Variants in PGM2 observed in about 807,000 individuals in gnomAD.
PGM2 encodes phosphoglucomutase 2.
In PGM2, 57 loss-of-function variants were observed where a neutral mutation model predicts 74.6. That is an observed-to-expected ratio of 0.76 (90% confidence interval 0.62 to 0.95). The LOEUF is 0.95. PGM2 is among the 40% of genes least tolerant of loss of function. PGM2 has a pLI of 0.00. For synonymous variants in PGM2, 273 were observed against 260.7 expected, an observed-to-expected ratio of 1.05 and a Z score of -0.46; for missense variants, 706 against 741.9, an observed-to-expected ratio of 0.95 and a Z score of 0.56.
Position 37,850,271 on chromosome 4 carries a change from C to T in PGM2, c.1500C>T (p.Tyr500=), listed in dbSNP as rs773882032. ...IKKLFENLRN[Y]DGKNNYPKAC... is the part of the protein sequence containing the mutation. ...AATTATTTGAAAACCTCAGAAACTA[C>T]GATGGAAAAAATAATTATCCAAAAG... The change falls in exon 12 of 14, where the codon TAC becomes TAT. Residue 500 remains tyrosine (Y), a synonymous_variant. Coordinates refer to ENST00000381967, the MANE Select transcript of PGM2 (RefSeq NM_018290.4). 2.0e-5 allele frequency: 32 copies of T among 1,584,074 alleles called. No individual in the cohort carries two copies. The highest frequency in any genetic ancestry group is 3.9e-5 in the Admixed American group (2 of 51,852).
At position 37,862,833 on chromosome 4, in the gene PGM2, G is replaced by A. The variant is rs983280928; in HGVS notation, c.*1221G>A. The A allele has an allele frequency of 4.0e-5, 6 of 151,768 alleles. No individual in the cohort carries two copies. Among genetic ancestry groups the A allele is most frequent in the South Asian group, 2.1e-4 (1 of 4,820 alleles). The allele number at this position is 151,768 out of a possible 1,614,324, so 9.4% of individuals were successfully genotyped here. A position where few individuals can be genotyped will look rare whatever the true frequency, so the allele number is the denominator to read the frequency against. On this transcript the variant is annotated 3_prime_UTR_variant, in exon 14 of 14. Transcript: ENST00000381967. ...CAGAACTCTTAAATCTATAATATTC[G>A]ATATATTCTACAAACTGCTTTATTG...
At chr4:37,827,658 A>T (rs999542344) in intron 1 of PGM2, among the ~76,000 whole-genome samples, 10 of 151,908 alleles carry the variant, frequency 6.6e-5, no homozygotes, top group African/African-American at 1.7e-4. Context: ...TTCACTCTAA[A>T]CAGTCTGTTA....
At chr4:37,858,708 A>AAC (rs1422035860) in intron 13 of PGM2, among the ~76,000 whole-genome samples, 1 of 152,100 alleles carries the variant, frequency 6.6e-6, no homozygotes, top group East Asian at 1.9e-4. Flanking sequence ...TATTATTAAT[A>AAC]TGCTTTATGT....
At chr4:37,850,719 G>A (rs1166036570) in intron 12 of PGM2, among the ~76,000 whole-genome samples, 2 of 152,028 alleles carry the variant, frequency 1.3e-5, no homozygotes, top group Non-Finnish European at 2.9e-5. Flanking sequence ...GGCTGGGAGC[G>A]GTGGCTCACA....
intron 6 of PGM2, among the ~76,000 whole-genome samples, chr4:37,842,628 T>G (rs1023482784): frequency 2.7e-5 from 4 of 150,906 alleles, no homozygotes; most frequent in Non-Finnish European, 4.4e-5. Context: ...TTATTATATA[T>G]CAGATAACTG....
At chr4:37,827,202 A>G (rs1725316171) in intron 1 of PGM2, among the ~76,000 whole-genome samples, 2 of 152,244 alleles carry the variant, frequency 1.3e-5, no homozygotes, top group African/African-American at 4.8e-5. Flanking sequence ...CCATGGACCC[A>G]GAATCGCTCC....
chr4:37,837,407 T>C (rs1396567253), intron 3 of PGM2, 122 bp from the exon 4 acceptor site: 2 of 736,838 alleles, frequency 2.7e-6, no homozygotes. Flanking sequence ...TAATAAATGC[T>C]GTCCTTGATC....
At chr4:37,847,138 T>G in intron 9 of PGM2, 27 bp downstream of exon 9, 1 of 1,605,524 alleles carries the variant, frequency 6.2e-7, no homozygotes, top group Non-Finnish European at 8.5e-7. Context: ...ACTCACTCAT[T>G]TTCCTTTCAT....
At chr4:37,853,293 A>G (rs1338917789) in intron 12 of PGM2, among the ~76,000 whole-genome samples, 1 of 149,482 alleles carries the variant, frequency 6.7e-6, no homozygotes, top group African/African-American at 2.5e-5. Flanking sequence ...GTGTGCCGCC[A>G]TGCCCAGCTA....
rs868084224 is a variant in PGM2, at chr4:37,845,039, C to T, written c.909+486C>T. ...GTTAGTCATTAATTTCTTAAAGGAT[C>T]TTTCAAATTAAACACCCCAGGATCA... On this transcript the variant is annotated intron_variant, in intron 7 of 13. Transcript: ENST00000381967. Among the ~76,000 whole-genome samples, 28 of 150,866 alleles carry T rather than the reference C, an allele frequency of 1.9e-4. 1 individual carries two copies. Among genetic ancestry groups the T allele is most frequent in the Admixed American group, 1.7e-3 (26 of 15,152 alleles).
chr4:37,855,619 T>C lies in PGM2; in HGVS notation c.1614T>C (p.Thr538=). The C allele has an allele frequency of 1.2e-6, 2 of 1,613,730 alleles. No individual in the cohort carries two copies. Among genetic ancestry groups the C allele is most frequent in the Non-Finnish European group, 1.7e-6 (2 of 1,179,832 alleles). The part of the protein sequence containing the change: ...SQPDKKAVLP[T]SKSSQMITFT... ...GCATTAATTCCTAGGTTCTTCCCAC[T>C]AGTAAAAGCAGCCAAATGATCACCT... The change falls in exon 13 of 14, where the codon ACT becomes ACC. Residue 538 remains threonine, a synonymous_variant. Coordinates refer to ENST00000381967, the MANE Select transcript of PGM2 (RefSeq NM_018290.4).
intron 1 of PGM2, among the ~76,000 whole-genome samples, chr4:37,828,137 T>C (rs1161933956): frequency 6.6e-6 from 1 of 152,234 alleles, no homozygotes; most frequent in Admixed American, 6.5e-5. Context: ...GGGGGCGTTT[T>C]TCTTTTCCTG....
chr4:37,837,840 A>G, intron 4 of PGM2, among the ~76,000 whole-genome samples: 1 of 152,088 alleles, frequency 6.6e-6, no homozygotes, highest in Middle Eastern at 3.4e-3. Context: ...TTTAAATTGC[A>G]GTTTTCCTTT....
chr4:37,841,469 T>A (rs1464254938), intron 6 of PGM2, among the ~76,000 whole-genome samples: 3 of 152,074 alleles, frequency 2.0e-5, no homozygotes, highest in Non-Finnish European at 4.4e-5. Flanking sequence ...ATACTGTATT[T>A]GTTGGATCAG....
At chr4:37,849,092 A>G (rs888315739) in intron 11 of PGM2, among the ~76,000 whole-genome samples, 8 of 151,756 alleles carry the variant, frequency 5.3e-5, no homozygotes, top group African/African-American at 1.9e-4. Context: ...AAAAAAATTT[A>G]AAAAAACTAA....
chr4:37,858,283 C>T (rs1711604007), intron 13 of PGM2, among the ~76,000 whole-genome samples: 1 of 151,998 alleles, frequency 6.6e-6, no homozygotes, highest in African/African-American at 2.4e-5. Context: ...GTGGTCACGG[C>T]TTAAGCAAGG....
chr4:37,830,210 A>G (rs1725405582), intron 2 of PGM2, 79 bp downstream of exon 2: 1 of 1,041,500 alleles, frequency 9.6e-7, no homozygotes, highest in Non-Finnish European at 1.3e-6. Context: ...AATTTATTCT[A>G]ATTATAGACA....
chr4:37,847,016 G>A lies in PGM2; in HGVS notation c.1093G>A (p.Asp365Asn). Reference protein sequence around the residue: ...LFTSWKEKNQDRSALKDTYML... With the variant: ...LFTSWKEKNQNRSALKDTYML... ...TACATCTTGGAAAGAGAAGAACCAG[G>A]ATCGCAGTGCTCTCAAAGACACGTA... The change falls in exon 9 of 14, where the codon GAT becomes AAT. Residue 365 changes from aspartate (D) to asparagine (N), a missense_variant. Asp to Asn is a conservative substitution (Grantham distance 23). Coordinates refer to ENST00000381967, the MANE Select transcript of PGM2 (RefSeq NM_018290.4). 1 of 1,613,620 alleles carries A rather than the reference G, an allele frequency of 6.2e-7. No homozygotes were observed. The highest frequency in any genetic ancestry group is 8.5e-7 in the Non-Finnish European group (1 of 1,179,584).
In PGM2 at chr4:37,856,999, C is replaced by T. The variant is rs62300677; in HGVS notation, c.1736+1258C>T. On this transcript the variant is annotated intron_variant, in intron 13 of 13. Coordinates refer to ENST00000381967, the MANE Select transcript of PGM2 (RefSeq NM_018290.4). ...AATTGATTCAGTAATTTTACACTTACGGCATATCTCAATTTGAATGCTCCA... is the reference window on the plus strand; with the variant it reads ...AATTGATTCAGTAATTTTACACTTATGGCATATCTCAATTTGAATGCTCCA... Among the ~76,000 whole-genome samples the T allele has an allele frequency of 8.0e-4, 121 of 152,088 alleles. 1 individual carries two copies. The highest frequency in any genetic ancestry group is 1.3e-3 in the African/African-American group (53 of 41,512).
Sources: gnomAD v4.1 joint callset for allele counts (sites outside exome capture counted in the v4.1 genomes callset) on GRCh38, gnomAD v4.1.1 for gene constraint, MANE v1.5 for transcripts, NCBI Gene and HGNC (gene_info 2026-07-23, HGNC 2026-07-21) for gene names.